TMEM132D: variants seen among roughly 807,000 people sequenced by gnomAD.
TMEM132D encodes the protein mature OL transmembrane protein.
In TMEM132D, 21 loss-of-function variants were observed where a neutral mutation model predicts 62.3. That is an observed-to-expected ratio of 0.34 (90% CI 0.24 to 0.49). TMEM132D has a LOEUF of 0.49. TMEM132D is among the 20% of genes least tolerant of loss of function. The pLI, the probability that TMEM132D is intolerant of heterozygous loss-of-function variation, is 0.99. For synonymous variants in TMEM132D, 621 were observed against 575.6 expected (o/e 1.08, Z -1.13); for missense variants, 1,346 against 1,402.8 (o/e 0.96, Z 0.65).
chr12:129,084,079 C>T (rs1234082665), intron 6 of TMEM132D, among the ~76,000 whole-genome samples: 1 of 152,148 alleles, frequency 6.6e-6, no homozygotes, highest in Non-Finnish European at 1.5e-5. Context: ...TTTCCCTTCT[C>T]CTAGAATTTG....
intron 3 of TMEM132D, among the ~76,000 whole-genome samples, chr12:129,495,124 C>A (rs1874912699): frequency 6.6e-6 from 1 of 151,604 alleles, no homozygotes; most frequent in Non-Finnish European, 1.5e-5. Flanking sequence ...TTTTGAGAAG[C>A]CTTGTTACCT....
chr12:129,548,955 C>T (rs1289326998), intron 2 of TMEM132D, among the ~76,000 whole-genome samples: 5 of 152,230 alleles, frequency 3.3e-5, no homozygotes, highest in African/African-American at 1.2e-4. Context: ...AAGAAAGGAG[C>T]ACCTCTGAAA....
intron 1 of TMEM132D, among the ~76,000 whole-genome samples, chr12:129,898,424 G>C (rs1469693267): frequency 6.6e-6 from 1 of 152,212 alleles, no homozygotes; most frequent in Non-Finnish European, 1.5e-5. Flanking sequence ...CTTGTGAAAG[G>C]CAGAAGTGCA....
chr12:129,204,922 T>G (rs1000643708), intron 5 of TMEM132D, among the ~76,000 whole-genome samples: 1 of 152,186 alleles, frequency 6.6e-6, no homozygotes, highest in East Asian at 1.9e-4. Context: ...ATATCCAAAC[T>G]AAGCTTCATA....
At chr12:129,535,970 C>T (rs1313351532) in intron 2 of TMEM132D, among the ~76,000 whole-genome samples, 2 of 152,142 alleles carry the variant, frequency 1.3e-5, no homozygotes, top group Non-Finnish European at 2.9e-5. Flanking sequence ...CTGTTAGAAA[C>T]TATTATTGGC....
intron 1 of TMEM132D, among the ~76,000 whole-genome samples, chr12:129,715,811 G>A (rs142707944): frequency 9.3e-4 from 142 of 152,302 alleles, no homozygotes; most frequent in African/African-American, 3.1e-3. Context: ...AAGAGGAGAC[G>A]CTGGTGGCAT....
At chr12:129,408,779 T>C (rs1871875212) in intron 3 of TMEM132D, among the ~76,000 whole-genome samples, 1 of 152,216 alleles carries the variant, frequency 6.6e-6, no homozygotes, top group South Asian at 2.1e-4. Flanking sequence ...TGCACAAATG[T>C]GTGTTTGTGT....
rs200074780 is a variant in TMEM132D at position 129,166,728 on chromosome 12, CAT to C, written c.1443+42790_1443+42791del. ...ACACACACACATATACACACACACA[CAT>C]ATATATATATACACATATACATACA... On this transcript the variant is annotated intron_variant, in intron 5 of 8. Coordinates refer to ENST00000422113, the MANE Select transcript of TMEM132D (RefSeq NM_133448.3). Among the ~76,000 whole-genome samples, 310 of 146,446 alleles carry C rather than the reference CAT, an allele frequency of 2.1e-3. 1 individual carries two copies. The highest frequency in any genetic ancestry group is 5.4e-3 in the African/African-American group (215 of 39,670).
intron 4 of TMEM132D, among the ~76,000 whole-genome samples, chr12:129,299,125 AT>A (rs1881645595): frequency 6.6e-6 from 1 of 152,210 alleles, no homozygotes; most frequent in African/African-American, 2.4e-5. Flanking sequence ...CAGATATGAC[AT>A]CTGATTTAGT....
chr12:129,332,583 C>T (rs1440792298), intron 4 of TMEM132D, among the ~76,000 whole-genome samples: 1 of 152,148 alleles, frequency 6.6e-6, no homozygotes, highest in Non-Finnish European at 1.5e-5. Context: ...GATCTACTTA[C>T]TTAGTTGTGC....
chr12:129,826,778 CA>C (rs1199787317), intron 1 of TMEM132D, among the ~76,000 whole-genome samples: 2 of 152,106 alleles, frequency 1.3e-5, no homozygotes, highest in African/African-American at 4.8e-5. Flanking sequence ...CCTGAGACAG[CA>C]AGATCCATCC....
At chr12:129,252,942 CA>C (rs1200740520) in intron 4 of TMEM132D, among the ~76,000 whole-genome samples, 2 of 148,460 alleles carry the variant, frequency 1.3e-5, no homozygotes, top group South Asian at 4.3e-4. Context: ...ATCGCAAGGA[CA>C]AAAAAACCAA....
At chr12:129,712,012 T>C (rs1868388815) in intron 1 of TMEM132D, among the ~76,000 whole-genome samples, 1 of 151,954 alleles carries the variant, frequency 6.6e-6, no homozygotes. Flanking sequence ...AAGTCTCCAG[T>C]ACATCCTCAG....
intron 4 of TMEM132D, among the ~76,000 whole-genome samples, chr12:129,295,667 T>C (rs1342117089): frequency 6.6e-6 from 1 of 152,012 alleles, no homozygotes; most frequent in Non-Finnish European, 1.5e-5. Flanking sequence ...TAAAAAGTCA[T>C]CCCACTGTAT....
At chr12:129,699,472 A>G (rs958951371) in intron 2 of TMEM132D, among the ~76,000 whole-genome samples, 3 of 152,204 alleles carry the variant, frequency 2.0e-5, no homozygotes, top group Admixed American at 2.0e-4. Context: ...GAGGCATTTA[A>G]CTCTCCCAAT....
At chr12:129,825,017 T>A (rs906004527) in intron 1 of TMEM132D, among the ~76,000 whole-genome samples, 1 of 148,572 alleles carries the variant, frequency 6.7e-6, no homozygotes. Context: ...CAGTCTTTTT[T>A]TTTTTTTTTT....
chr12:129,124,200 C>T (rs1876146997), intron 5 of TMEM132D, among the ~76,000 whole-genome samples: 1 of 152,182 alleles, frequency 6.6e-6, no homozygotes, highest in Non-Finnish European at 1.5e-5. Flanking sequence ...ACCTCTCTTT[C>T]TCCACTTCTG....
intron 5 of TMEM132D, among the ~76,000 whole-genome samples, chr12:129,190,078 GAGGA>G (rs916413394): frequency 1.0e-4 from 15 of 150,588 alleles, no homozygotes; most frequent in African/African-American, 2.2e-4. Context: ...CCTGCAGATG[GAGGA>G]AGGGAGTCTC....
chr12:129,182,513 C>T lies in TMEM132D; in HGVS notation c.1443+27007G>A, dbSNP rs558199258. ...AGGAGACAGACTCAGGAAGAGTGGA[C>T]GCTGCAGTGCCATGTGGAAGGGAGC... On this transcript the variant is annotated intron_variant, in intron 5 of 8. Coordinates refer to ENST00000422113, the MANE Select transcript of TMEM132D (RefSeq NM_133448.3). Among the ~76,000 whole-genome samples, 8 of 152,324 alleles carry T rather than the reference C, an allele frequency of 5.3e-5. No homozygotes were observed. The South Asian group carries it at 6.2e-4, about 12-fold the overall frequency.
Sources: allele counts gnomAD v4.1 joint callset (sites outside exome capture counted in the v4.1 genomes callset), GRCh38; gene constraint gnomAD v4.1.1; transcripts MANE v1.5; gene names NCBI Gene and HGNC (gene_info 2026-07-23, HGNC 2026-07-21).